AFG1L: variants seen among roughly 807,000 people sequenced by gnomAD.
AFG1L encodes the protein AFG1 like ATPase.
Under a neutral mutation model 62.2 loss-of-function variants are expected in AFG1L, and 53 were observed. The observed-to-expected ratio is 0.85, with a 90% confidence interval of 0.68 to 1.07. AFG1L has a LOEUF of 1.07. AFG1L is among the 50% of genes least tolerant of loss of function. The pLI, the probability that AFG1L is intolerant of heterozygous loss-of-function variation, is 0.00. For synonymous variants in AFG1L, 228 were observed against 210.3 expected (o/e 1.08, Z -0.73); for missense variants, 555 against 590.5 (o/e 0.94, Z 0.62).
intron 7 of AFG1L, among the ~76,000 whole-genome samples, chr6:108,414,573 A>G (rs1302833024): frequency 4.6e-5 from 7 of 152,226 alleles, no homozygotes; most frequent in Non-Finnish European, 1.0e-4. Flanking sequence ...CTTATCCACC[A>G]TGATCAAGTT....
intron 7 of AFG1L, among the ~76,000 whole-genome samples, chr6:108,441,152 GTCTT>G (rs1771529312): frequency 6.6e-6 from 1 of 152,146 alleles, no homozygotes; most frequent in African/African-American, 2.4e-5. Context: ...TCTCCACAAT[GTCTT>G]TATTCTTTGT....
intron 12 of AFG1L, 186 bp downstream of exon 12, chr6:108,519,996 C>A (rs1008037409): frequency 2.4e-6 from 1 of 412,394 alleles, no homozygotes; most frequent in Non-Finnish European, 4.4e-6. Context: ...TATAAACTTA[C>A]AGTGGAAGGA....
At chr6:108,393,025 G>C (rs1349963039) in intron 6 of AFG1L, among the ~76,000 whole-genome samples, 1 of 152,028 alleles carries the variant, frequency 6.6e-6, no homozygotes, top group East Asian at 1.9e-4. Flanking sequence ...GCTATTCACT[G>C]TTGAGAATTT....
intron 10 of AFG1L, among the ~76,000 whole-genome samples, chr6:108,503,703 C>G (rs1774291718): frequency 6.6e-6 from 1 of 152,174 alleles, no homozygotes; most frequent in Admixed American, 6.5e-5. Context: ...GAGAGTCAGT[C>G]TATCCTTTTG....
At chr6:108,326,614 C>T (rs114703775) in intron 2 of AFG1L, among the ~76,000 whole-genome samples, 87 of 152,208 alleles carry the variant, frequency 5.7e-4, no homozygotes, top group African/African-American at 1.6e-3. Flanking sequence ...TTTACTGTAA[C>T]GTCTTTAGAA....
intron 7 of AFG1L, among the ~76,000 whole-genome samples, chr6:108,408,081 G>A (rs1445583929): frequency 6.6e-6 from 1 of 150,550 alleles, no homozygotes; most frequent in Non-Finnish European, 1.5e-5. Context: ...TTTTATTTTG[G>A]CAAGTGGTTA....
chr6:108,408,377 T>G (rs1425061423), intron 7 of AFG1L, among the ~76,000 whole-genome samples: 2 of 152,244 alleles, frequency 1.3e-5, no homozygotes, highest in Non-Finnish European at 2.9e-5. Context: ...TGTGTATTGT[T>G]CTTTGCCCAA....
intron 6 of AFG1L, among the ~76,000 whole-genome samples, chr6:108,385,487 G>A (rs908689634): frequency 6.6e-6 from 1 of 152,178 alleles, no homozygotes; most frequent in Non-Finnish European, 1.5e-5. Flanking sequence ...TTTCCCATAA[G>A]GAATACTTGT....
chr6:108,390,865 T>C (rs886090514), intron 6 of AFG1L, among the ~76,000 whole-genome samples: 1 of 152,196 alleles, frequency 6.6e-6, no homozygotes, highest in African/African-American at 2.4e-5. Flanking sequence ...AACTCCATAC[T>C]GGGAGAACCA....
chr6:108,444,426 C>T (rs1771678982), intron 7 of AFG1L, among the ~76,000 whole-genome samples: 1 of 152,150 alleles, frequency 6.6e-6, no homozygotes, highest in Non-Finnish European at 1.5e-5. Flanking sequence ...GTGGCTGTGG[C>T]AGTTTCTTAA....
chr6:108,436,218 C>T (rs1771300475), intron 7 of AFG1L, among the ~76,000 whole-genome samples: 1 of 152,054 alleles, frequency 6.6e-6, no homozygotes, highest in Non-Finnish European at 1.5e-5. Flanking sequence ...AATCTTGGCT[C>T]ACTGCAACAT....
chr6:108,451,287 T>C (rs1219090450), intron 8 of AFG1L, among the ~76,000 whole-genome samples: 2 of 152,198 alleles, frequency 1.3e-5, no homozygotes, highest in African/African-American at 2.4e-5. Flanking sequence ...ATTTTATTAG[T>C]CTGATTTCCC....
rs1390455712 is a variant in AFG1L at position 108,374,561 on chromosome 6, A to C, written c.748+8229A>C. The stretch of plus-strand genomic sequence containing the variant: ...TTCTTCGGCATATGGCTAGCCAGCT[A>C]TCCCAGCATCATTTATTGAATAGGG... On this transcript the variant is annotated intron_variant, in intron 6 of 12. Transcript: ENST00000368977. Among the ~76,000 whole-genome samples the C allele has an allele frequency of 2.6e-5, 4 of 152,302 alleles. No homozygotes were observed. In the East Asian group the frequency reaches 7.7e-4, roughly 29 times the overall value.
At chr6:108,335,743 G>A (rs1363703574) in intron 2 of AFG1L, among the ~76,000 whole-genome samples, 1 of 152,202 alleles carries the variant, frequency 6.6e-6, no homozygotes, top group Non-Finnish European at 1.5e-5. Context: ...GTATCAGGTA[G>A]GAGCAAAGTG....
chr6:108,487,740 A>G (rs1336480551), intron 10 of AFG1L, among the ~76,000 whole-genome samples: 1 of 152,208 alleles, frequency 6.6e-6, no homozygotes, highest in Non-Finnish European at 1.5e-5. Context: ...AGATGAGTGG[A>G]GTAAAAGTAT....
intron 7 of AFG1L, among the ~76,000 whole-genome samples, chr6:108,422,477 C>CAAAAAAAAAAAAACAAAAAAAAAAAAAA (rs1770636967): frequency 2.2e-5 from 1 of 45,798 alleles, no homozygotes; most frequent in Admixed American, 3.1e-4. Flanking sequence ...TAGTCCTCAG[C>CAAAAAAAAAAAAACAAAAAAAAAAAAAA]AAAAAAAAAA....
intron 5 of AFG1L, among the ~76,000 whole-genome samples, chr6:108,363,816 A>G (rs532125560): frequency 1.3e-5 from 2 of 152,296 alleles, no homozygotes; most frequent in Admixed American, 1.3e-4. Context: ...GCAGGAAGAA[A>G]GCTATTAAAA....
At chr6:108,449,356 AAAGCCTGGGGGCACCC>A (rs1370519918) in intron 8 of AFG1L, among the ~76,000 whole-genome samples, 1 of 152,122 alleles carries the variant, frequency 6.6e-6, no homozygotes, top group East Asian at 1.9e-4. Context: ...TCAAGAATAG[AAAGCCTGGGGGCACCC>A]CTCAGTCAGA....
chr6:108,326,246 A>G (rs1364293642), intron 2 of AFG1L, among the ~76,000 whole-genome samples: 1 of 151,872 alleles, frequency 6.6e-6, no homozygotes, highest in African/African-American at 2.4e-5. Context: ...TAATTTTTTA[A>G]TTTTTTTGTA....
Sources: gnomAD v4.1 joint callset for allele counts (sites outside exome capture counted in the v4.1 genomes callset) on GRCh38, gnomAD v4.1.1 for gene constraint, MANE v1.5 for transcripts, NCBI Gene and HGNC (gene_info 2026-07-23, HGNC 2026-07-21) for gene names.